The following SUSD4 variants were observed in gnomAD, a reference collection of about 807,000 sequenced individuals.
SUSD4 encodes sushi domain-containing protein 4.
In SUSD4, 41 loss-of-function variants were observed where a neutral mutation model predicts 50.5. The ratio of observed to expected loss-of-function variants is 0.81; its 90% CI spans 0.63 to 1.05. The LOEUF (loss-of-function observed/expected upper bound fraction) is 1.05. Among genes scored for constraint, SUSD4 ranks in the 50% least tolerant of loss-of-function variants. SUSD4 has a pLI of 0.00. For synonymous variants in SUSD4, 257 were observed against 257.3 expected, an observed-to-expected ratio of 1.00 and a Z score of 0.01; for missense variants, 580 against 634.7, an observed-to-expected ratio of 0.91 and a Z score of 0.93.
chr1:223,246,788 G>A (rs1316724024), intron 5 of SUSD4, among the ~76,000 whole-genome samples: 1 of 152,136 alleles, frequency 6.6e-6, no homozygotes, highest in Non-Finnish European at 1.5e-5. Context: ...GCTGAGATGA[G>A]AACTATGTAT....
At chr1:223,234,266 G>C (rs1347080003) in intron 5 of SUSD4, among the ~76,000 whole-genome samples, 1 of 152,136 alleles carries the variant, frequency 6.6e-6, no homozygotes, top group Non-Finnish European at 1.5e-5. Context: ...TCATTTTCCA[G>C]CCTCCTTTCA....
At chr1:223,290,233 C>A (rs1336831111) in intron 3 of SUSD4, among the ~76,000 whole-genome samples, 2 of 152,166 alleles carry the variant, frequency 1.3e-5, no homozygotes, top group Admixed American at 1.3e-4. Flanking sequence ...TGGCTATTTA[C>A]AAAGCAGAAA....
chr1:223,362,870 T>G (rs1669064199), intron 2 of SUSD4, among the ~76,000 whole-genome samples: 1 of 152,016 alleles, frequency 6.6e-6, no homozygotes, highest in Admixed American at 6.6e-5. Flanking sequence ...GGCTGAAATC[T>G]GACCTCTATC....
intron 2 of SUSD4, among the ~76,000 whole-genome samples, chr1:223,328,212 T>G (rs1457400614): frequency 1.1e-4 from 17 of 152,226 alleles, no homozygotes; most frequent in African/African-American, 4.1e-4. Context: ...CTTACATTTG[T>G]TGGACTCATG....
intron 3 of SUSD4, among the ~76,000 whole-genome samples, chr1:223,288,123 T>C (rs980470809): frequency 1.3e-5 from 2 of 152,186 alleles, no homozygotes; most frequent in Non-Finnish European, 2.9e-5. Flanking sequence ...CCAAATTTCA[T>C]CTAGAATTGT....
In SUSD4 at chr1:223,229,269, T is replaced by C. The variant is rs1362851264; in HGVS notation, c.844A>G (p.Ser282Gly). 6.2e-7 allele frequency: 1 copy of C among 1,613,290 alleles called. No individual in the cohort carries two copies. Residue 282 changes from serine to glycine, a missense_variant, in exon 6 of 9, where the codon AGC becomes GGC. Ser to Gly is a moderately conservative substitution (Grantham distance 56). Coordinates refer to ENST00000366878, the MANE Select transcript of SUSD4 (RefSeq NM_017982.4). This position sits in a 1 kb window ranked among gnomAD's most constrained non-coding sequence, Gnocchi z 4.7. ...TGGCAGGTGATGTACTTGTAGTCGC[T>C]GGTGAGGCTGTAGCCAGGATCGCAG... ...FYCDPGYSLT[S>G]DYKYITCQYG...
rs1301329681 is a variant in SUSD4, at chr1:223,225,229, A to G, written c.1062-1598T>C. Among the ~76,000 whole-genome samples, 57 of 151,938 alleles carry G rather than the reference A, an allele frequency of 3.8e-4. 1 individual carries two copies. On this transcript the variant is annotated intron_variant, in intron 7 of 8. Coordinates refer to ENST00000366878, the MANE Select transcript of SUSD4 (RefSeq NM_017982.4). ...GGTGCTGAGGGAGGAGGCCAAAGGT[A>G]AAATATGAGGAAGAGAAGACCCAGC...
intron 2 of SUSD4, among the ~76,000 whole-genome samples, chr1:223,321,226 C>T (rs936059143): frequency 2.6e-5 from 4 of 152,174 alleles, no homozygotes; most frequent in Non-Finnish European, 5.9e-5. Flanking sequence ...CCTGAGGGCT[C>T]CTTCCTGCTT....
At chr1:223,285,442 A>G (rs1394285687) in intron 3 of SUSD4, among the ~76,000 whole-genome samples, 1 of 151,884 alleles carries the variant, frequency 6.6e-6, no homozygotes, top group African/African-American at 2.4e-5. Flanking sequence ...CTCAATTCAC[A>G]ATGCCCCACA....
At chr1:223,246,100 C>T (rs1310415208) in intron 5 of SUSD4, among the ~76,000 whole-genome samples, 1 of 152,022 alleles carries the variant, frequency 6.6e-6, no homozygotes, top group Non-Finnish European at 1.5e-5. Context: ...CACGCACTCA[C>T]ATAAGGGGAG....
At chr1:223,281,682 C>T (rs914479269) in intron 3 of SUSD4, among the ~76,000 whole-genome samples, 22 of 152,162 alleles carry the variant, frequency 1.4e-4, no homozygotes, top group Admixed American at 1.2e-3. Flanking sequence ...GGTACCATTC[C>T]TTCTGAAACT....
chr1:223,346,863 G>A (rs1668061580), intron 2 of SUSD4, among the ~76,000 whole-genome samples: 1 of 152,024 alleles, frequency 6.6e-6, no homozygotes, highest in Non-Finnish European at 1.5e-5. Context: ...CCTTGGTCCA[G>A]GCCAAAGTCA....
intron 2 of SUSD4, among the ~76,000 whole-genome samples, chr1:223,334,770 G>T (rs1449484921): frequency 6.6e-6 from 1 of 152,076 alleles, no homozygotes; most frequent in Admixed American, 6.5e-5. Context: ...GTGGTGATTT[G>T]TGAGATTTTG....
At chr1:223,335,888 T>C (rs1667428816) in intron 2 of SUSD4, among the ~76,000 whole-genome samples, 1 of 152,026 alleles carries the variant, frequency 6.6e-6, no homozygotes, top group Non-Finnish European at 1.5e-5. Flanking sequence ...TAGGAAATGG[T>C]GTTAAGAAAA....
chr1:223,350,736 T>A (rs1053031845), intron 2 of SUSD4, among the ~76,000 whole-genome samples: 1 of 152,226 alleles, frequency 6.6e-6, no homozygotes, highest in Non-Finnish European at 1.5e-5. Flanking sequence ...TACGTATGTA[T>A]GTATTCTGTG....
At chr1:223,312,437 C>T (rs1486947636) in intron 2 of SUSD4, among the ~76,000 whole-genome samples, 1 of 152,064 alleles carries the variant, frequency 6.6e-6, no homozygotes, top group Non-Finnish European at 1.5e-5. Flanking sequence ...GGAAAGGGCA[C>T]CTGGCTCCAA....
In SUSD4 at chr1:223,221,871, A is replaced by G. The variant is rs544198660; in HGVS notation, c.*321T>C. On this transcript the variant is annotated 3_prime_UTR_variant, in exon 9 of 9. Transcript: ENST00000366878. ...TTGCCAGTCAATGGGATGCGTGATG[A>G]TTCGGTGGGATGTGCGTGGAATTGT... The G allele has an allele frequency of 1.1e-5, 3 of 283,134 alleles. No individual in the cohort carries two copies. The highest frequency in any genetic ancestry group is 1.0e-3 in the Middle Eastern group (1 of 988). The allele number at this position is 283,134 out of a possible 1,614,324, so 17.5% of individuals were successfully genotyped here. A position where few individuals can be genotyped will look rare whatever the true frequency, so the allele number is the denominator to read the frequency against.
intron 2 of SUSD4, among the ~76,000 whole-genome samples, chr1:223,335,176 A>G (rs536208239): frequency 6.6e-6 from 1 of 152,342 alleles, no homozygotes; most frequent in Non-Finnish European, 1.5e-5. Flanking sequence ...GTGCTGCTAT[A>G]AACATGTGTA....
chr1:223,345,398 T>C (rs1028775503), intron 2 of SUSD4, among the ~76,000 whole-genome samples: 1 of 152,184 alleles, frequency 6.6e-6, no homozygotes, highest in Non-Finnish European at 1.5e-5. Flanking sequence ...CAAGATCATG[T>C]GCTTATTAAG....
Sources: gnomAD v4.1 joint callset for allele counts (sites outside exome capture counted in the v4.1 genomes callset) on GRCh38, gnomAD v4.1.1 for gene constraint, Gnocchi (gnomAD v3.1) non-coding constraint, MANE v1.5 for transcripts, NCBI Gene and HGNC (gene_info 2026-07-23, HGNC 2026-07-21) for gene names.